The following RABGAP1L variants were observed in gnomAD, a reference collection of about 807,000 sequenced individuals.
The protein encoded by RABGAP1L is RAB GTPase activating protein 1 like, also known as rab GTPase-activating protein 1-like.
In RABGAP1L, 63 loss-of-function variants were observed where a neutral mutation model predicts 137.7. The observed-to-expected ratio is 0.46, with a 90% CI of 0.37 to 0.56. The LOEUF is 0.56. Ranked by LOEUF, RABGAP1L falls within the 20% of genes least tolerant of loss-of-function variation. RABGAP1L has a pLI of 0.00. For synonymous variants in RABGAP1L, 431 were observed against 433.7 expected, an observed-to-expected ratio of 0.99 and a Z score of 0.08; for missense variants, 1,095 against 1,244.0, an observed-to-expected ratio of 0.88 and a Z score of 1.80.
At chr1:174,973,380 AT>A (rs1558296607) in intron 21 of RABGAP1L, among the ~76,000 whole-genome samples, 1 of 130,618 alleles carries the variant, frequency 7.7e-6, no homozygotes, top group African/African-American at 2.8e-5. Flanking sequence ...TTTTTCTTTC[AT>A]TTCTTTTTTT....
intron 11 of RABGAP1L, among the ~76,000 whole-genome samples, chr1:174,327,017 T>C (rs1680491400): frequency 6.6e-6 from 1 of 152,120 alleles, no homozygotes; most frequent in South Asian, 2.1e-4. Flanking sequence ...AAACAAAAGC[T>C]GAGGGAATTC....
chr1:174,538,597 A>G (rs1199023369), intron 13 of RABGAP1L, among the ~76,000 whole-genome samples: 1 of 152,040 alleles, frequency 6.6e-6, no homozygotes, highest in Admixed American at 6.6e-5. Context: ...TTTTTCTATG[A>G]CTTAGTTTTT....
intron 11 of RABGAP1L, among the ~76,000 whole-genome samples, chr1:174,357,379 G>A (rs940349912): frequency 6.6e-6 from 1 of 151,962 alleles, no homozygotes; most frequent in African/African-American, 2.4e-5. Flanking sequence ...CACCCTAAGC[G>A]TGTGAACATA....
rs756204040 is a variant in RABGAP1L at position 174,637,445 on chromosome 1, A to T, written c.1781A>T (p.Asp594Val). 6.2e-7 allele frequency: 1 copy of T among 1,612,400 alleles called. No homozygotes were observed. Among genetic ancestry groups the T allele is most frequent in the Non-Finnish European group, 8.5e-7 (1 of 1,178,542 alleles). The part of the protein sequence containing the change: ...RTFPAHDYFK[D>V]TGGDGQESLY... ...TTTCCCGCACATGATTACTTTAAAG[A>T]TACTGGAGGAGATGGTCAAGAATCG... The change falls in exon 14 of 26, where the codon GAT (aspartate) becomes GTT (valine). Residue 594 changes from aspartate (D) to valine (V), a missense_variant. Asp to Val is a radical substitution (Grantham distance 152). Transcript: ENST00000681986.
intron 17 of RABGAP1L, among the ~76,000 whole-genome samples, chr1:174,734,229 C>G (rs1308379698): frequency 6.6e-6 from 1 of 151,962 alleles, no homozygotes; most frequent in Admixed American, 6.6e-5. Flanking sequence ...GAGGCTAAAA[C>G]GTTGATTTGG....
At chr1:174,554,698 A>AT (rs1444044791) in intron 13 of RABGAP1L, among the ~76,000 whole-genome samples, 1 of 152,174 alleles carries the variant, frequency 6.6e-6, no homozygotes, top group East Asian at 1.9e-4. Context: ...TAAAATTAAC[A>AT]TTTTCTGTCT....
At chr1:174,493,097 A>T (rs1004365225) in intron 13 of RABGAP1L, among the ~76,000 whole-genome samples, 1 of 150,232 alleles carries the variant, frequency 6.7e-6, no homozygotes, top group African/African-American at 2.5e-5. Context: ...ACAGTGACTC[A>T]CACCTGTAAT....
chr1:174,946,934 ATATATATGTGTGTG>A lies in RABGAP1L; in HGVS notation c.2341-10521_2341-10508del, dbSNP rs1288556920. ...AAAAAAAAAATATATATATATATAT[ATATATATGTGTGTG>A]TGTGTGTGTGTGTGTGTGTGTGTGT... On this transcript the variant is annotated intron_variant, in intron 19 of 25. Transcript: ENST00000681986. 7.4e-4 allele frequency among the ~76,000 whole-genome samples: 52 copies of A among 69,832 alleles called. 1 individual carries two copies. Among genetic ancestry groups the A allele is most frequent in the African/African-American group, 2.3e-3 (36 of 15,630 alleles). The allele number at this position is 69,832 out of a possible 152,430, so 45.8% of individuals were successfully genotyped here.
intron 14 of RABGAP1L, among the ~76,000 whole-genome samples, chr1:174,638,156 A>G (rs1041268391): frequency 2.0e-5 from 3 of 152,148 alleles, no homozygotes; most frequent in Non-Finnish European, 4.4e-5. Context: ...CATTCTAAAG[A>G]GATGGTTAAT....
At chr1:174,819,268 C>G (rs147957428) in intron 19 of RABGAP1L, among the ~76,000 whole-genome samples, 1 of 140,292 alleles carries the variant, frequency 7.1e-6, no homozygotes, top group Non-Finnish European at 1.5e-5. Flanking sequence ...TGAGTAAGTA[C>G]AAGAGAGAGA....
At chr1:174,626,132 A>G (rs1311274720) in intron 13 of RABGAP1L, among the ~76,000 whole-genome samples, 7 of 152,224 alleles carry the variant, frequency 4.6e-5, no homozygotes, top group African/African-American at 1.7e-4. Flanking sequence ...AGTTGGGACA[A>G]TGAACAGTCA....
intron 19 of RABGAP1L, among the ~76,000 whole-genome samples, chr1:174,920,494 A>T (rs1661616116): frequency 6.6e-6 from 1 of 152,242 alleles, no homozygotes; most frequent in African/African-American, 2.4e-5. Flanking sequence ...TGGGAGTTAC[A>T]ACTGAAGATG....
intron 19 of RABGAP1L, among the ~76,000 whole-genome samples, chr1:174,830,670 T>C (rs903744489): frequency 6.8e-6 from 1 of 147,536 alleles, no homozygotes; most frequent in Admixed American, 6.8e-5. Flanking sequence ...AGAGACAAGG[T>C]TTCATCATGT....
intron 12 of RABGAP1L, among the ~76,000 whole-genome samples, chr1:174,388,910 C>T (rs186133275): frequency 1.3e-5 from 2 of 152,216 alleles, no homozygotes; most frequent in African/African-American, 4.8e-5. Flanking sequence ...TAGCCACCTA[C>T]TTCCACCTCC....
chr1:174,618,109 T>C (rs866444595), intron 13 of RABGAP1L, among the ~76,000 whole-genome samples: 2 of 152,178 alleles, frequency 1.3e-5, no homozygotes, highest in South Asian at 4.1e-4. Flanking sequence ...GCGCCCGCCA[T>C]TGCTGAGGCT....
chr1:174,548,118 G>T, intron 13 of RABGAP1L: 1 of 1,527,074 alleles, frequency 6.5e-7, no homozygotes, highest in Non-Finnish European at 8.8e-7. Context: ...TTGCAGTTTA[G>T]AAGCAACTTT....
chr1:174,292,116 T>C lies in RABGAP1L; in HGVS notation c.1324-12870T>C, dbSNP rs549918626. On this transcript the variant is annotated intron_variant, in intron 10 of 25. Coordinates refer to ENST00000681986, the MANE Select transcript of RABGAP1L (RefSeq NM_001366446.1). ...GCAGTGGCACGACCATAGTTCACTGTAGTGTTGAACTCCTGGGCTCAAGCG... is the reference window on the plus strand; with the variant it reads ...GCAGTGGCACGACCATAGTTCACTGCAGTGTTGAACTCCTGGGCTCAAGCG... 3.3e-4 allele frequency among the ~76,000 whole-genome samples: 50 copies of C among 149,786 alleles called. 1 individual carries two copies. The South Asian group carries it at 7.2e-3, about 21-fold the overall frequency.
intron 19 of RABGAP1L, among the ~76,000 whole-genome samples, chr1:174,887,619 G>A (rs1241924939): frequency 1.3e-5 from 2 of 152,092 alleles, no homozygotes; most frequent in South Asian, 2.1e-4. Flanking sequence ...ACTTGGGGGG[G>A]GGGTCATGGA....
chr1:174,495,228 A>G (rs1156517163), intron 13 of RABGAP1L, among the ~76,000 whole-genome samples: 1 of 152,188 alleles, frequency 6.6e-6, no homozygotes, highest in Non-Finnish European at 1.5e-5. Context: ...TGTAACTTCT[A>G]GTCTCACAAA....
Sources: allele counts gnomAD v4.1 joint callset (sites outside exome capture counted in the v4.1 genomes callset), GRCh38; gene constraint gnomAD v4.1.1; transcripts MANE v1.5; gene names NCBI Gene and HGNC (gene_info 2026-07-23, HGNC 2026-07-21).